SDK1: variants seen among roughly 807,000 people sequenced by gnomAD.
SDK1 encodes sidekick cell adhesion molecule 1.
A neutral mutation model predicts 245.5 loss-of-function variants in SDK1; 157 were observed. The ratio of observed to expected loss-of-function variants is 0.64; its 90% confidence interval spans 0.56 to 0.73. SDK1 has a LOEUF of 0.73. SDK1 is among the 30% of genes least tolerant of loss of function. The probability of loss-of-function intolerance (pLI) is 0.00; values close to 1 mark genes in which losing one functional copy is unlikely to be tolerated. For missense variants in SDK1, 3,583 were observed against 3,002.3 expected (o/e 1.19, Z -4.52); for synonymous variants, 1,647 against 1,278.5 (o/e 1.29, Z -6.15).
intron 1 of SDK1, among the ~76,000 whole-genome samples, chr7:3,578,691 C>G (rs553108420): frequency 1.3e-5 from 2 of 151,820 alleles, no homozygotes; most frequent in South Asian, 2.1e-4. Context: ...AGCAACACCT[C>G]TCCTGCTTGC....
At chr7:3,501,378 GAAA>G (rs11320383) in intron 1 of SDK1, among the ~76,000 whole-genome samples, 233 of 136,066 alleles carry the variant, frequency 1.7e-3, no homozygotes, top group Admixed American at 4.0e-3. Flanking sequence ...TCAGGAAAAA[GAAA>G]AAAAAAAACT....
intron 44 of SDK1, among the ~76,000 whole-genome samples, chr7:4,256,293 T>G (rs1208080355): frequency 6.6e-6 from 1 of 152,246 alleles, no homozygotes; most frequent in Non-Finnish European, 1.5e-5. Context: ...GGAGAGGGTC[T>G]GCTGACCTCC....
chr7:3,359,321 T>TG (rs1028909473), intron 1 of SDK1, among the ~76,000 whole-genome samples: 1 of 152,186 alleles, frequency 6.6e-6, no homozygotes, highest in Non-Finnish European at 1.5e-5. Flanking sequence ...GAATGGTAGA[T>TG]GTCCTCCATG....
chr7:3,624,711 C>A (rs1053396909), intron 2 of SDK1, among the ~76,000 whole-genome samples: 4 of 151,854 alleles, frequency 2.6e-5, no homozygotes, highest in African/African-American at 7.3e-5. Context: ...AAACAATATG[C>A]CAGAGGAGCA....
chr7:3,961,712 TA>T (rs1405244540), intron 8 of SDK1, among the ~76,000 whole-genome samples: 1 of 152,150 alleles, frequency 6.6e-6, no homozygotes, highest in Non-Finnish European at 1.5e-5. Context: ...ACCCCTTTGA[TA>T]GGGGGTGTTA....
intron 4 of SDK1, among the ~76,000 whole-genome samples, chr7:3,769,012 T>G (rs1366142253): frequency 6.6e-6 from 1 of 152,196 alleles, no homozygotes; most frequent in East Asian, 1.9e-4. Flanking sequence ...ATGGTTGTAA[T>G]TATGCCACGT....
intron 1 of SDK1, among the ~76,000 whole-genome samples, chr7:3,455,835 G>A (rs1336452626): frequency 6.6e-6 from 1 of 152,138 alleles, no homozygotes; most frequent in Non-Finnish European, 1.5e-5. Flanking sequence ...GATTTTGATA[G>A]GAATTGTGTT....
At chr7:4,028,252 C>T (rs966603967) in intron 17 of SDK1, among the ~76,000 whole-genome samples, 1 of 152,164 alleles carries the variant, frequency 6.6e-6, no homozygotes, top group African/African-American at 2.4e-5. Flanking sequence ...TAGGAACCTT[C>T]TTTAGGCATT....
intron 1 of SDK1, among the ~76,000 whole-genome samples, chr7:3,352,191 A>C (rs567590446): frequency 4.0e-5 from 6 of 150,592 alleles, no homozygotes; most frequent in African/African-American, 1.5e-4. Context: ...AAAATGGAAA[A>C]ATCTGTCACT....
intron 5 of SDK1, among the ~76,000 whole-genome samples, chr7:3,869,418 A>G (rs1780904346): frequency 6.6e-6 from 1 of 152,120 alleles, no homozygotes; most frequent in East Asian, 1.9e-4. Context: ...GGCCTCCCAA[A>G]GTGCTGGGAT....
At chr7:3,871,408 G>T (rs1289975000) in intron 5 of SDK1, among the ~76,000 whole-genome samples, 1 of 150,104 alleles carries the variant, frequency 6.7e-6, no homozygotes, top group Admixed American at 6.7e-5. Flanking sequence ...TTGCCTTGTT[G>T]CACTGGTTAG....
At chr7:3,447,623 T>C (rs773654629) in intron 1 of SDK1, among the ~76,000 whole-genome samples, 3 of 152,118 alleles carry the variant, frequency 2.0e-5, no homozygotes, top group Non-Finnish European at 4.4e-5. Flanking sequence ...GATGTACATT[T>C]GGGTGGCTTC....
chr7:3,587,650 C>G (rs898232323), intron 1 of SDK1, among the ~76,000 whole-genome samples: 1 of 152,218 alleles, frequency 6.6e-6, no homozygotes, highest in Non-Finnish European at 1.5e-5. Context: ...CTGTTTTACT[C>G]AGTTCACCAA....
chr7:3,459,748 C>T (rs1024517369), intron 1 of SDK1, among the ~76,000 whole-genome samples: 1 of 152,170 alleles, frequency 6.6e-6, no homozygotes. Context: ...TGAGATGGCT[C>T]CACTTGGTTT....
rs371044483 is a variant in SDK1, at chr7:3,951,829, G to A, written c.1059G>A (p.Thr353=). Residue 353 remains threonine, a synonymous_variant, in exon 7 of 45, where the codon ACG becomes ACA. Coordinates refer to ENST00000404826, the MANE Select transcript of SDK1 (RefSeq NM_152744.4). ...GACGCCTCACCATCAGCAACCCGAC[G>A]TCCGCGGACACCGGGCCATACGTCT... ...FGRRLTISNP[T]SADTGPYVCE... 9.9e-6 allele frequency: 16 copies of A among 1,613,862 alleles called. 1 individual carries two copies. Among genetic ancestry groups the A allele is most frequent in the African/African-American group, 6.7e-5 (5 of 75,040 alleles).
intron 1 of SDK1, among the ~76,000 whole-genome samples, chr7:3,412,299 CAT>C (rs1458544029): frequency 2.0e-5 from 3 of 152,170 alleles, no homozygotes; most frequent in East Asian, 1.9e-4. Context: ...ATAATACAAA[CAT>C]GTATACTATT....
At chr7:3,918,312 T>C (rs1467569324) in intron 5 of SDK1, among the ~76,000 whole-genome samples, 1 of 152,222 alleles carries the variant, frequency 6.6e-6, no homozygotes, top group Non-Finnish European at 1.5e-5. Flanking sequence ...AAGCCTCATG[T>C]GTATTTACAG....
chr7:3,342,152 C>G (rs139450761), intron 1 of SDK1, among the ~76,000 whole-genome samples: 1 of 152,184 alleles, frequency 6.6e-6, no homozygotes, highest in South Asian at 2.1e-4. Flanking sequence ...ATAGATTATT[C>G]TTCTCAACAA....
chr7:3,357,831 T>C (rs937868971), intron 1 of SDK1, among the ~76,000 whole-genome samples: 1 of 152,180 alleles, frequency 6.6e-6, no homozygotes, highest in Non-Finnish European at 1.5e-5. Flanking sequence ...ATTGGATTCA[T>C]GATTTGTGAT....
Sources: gnomAD v4.1 joint callset for allele counts (sites outside exome capture counted in the v4.1 genomes callset) on GRCh38, gnomAD v4.1.1 for gene constraint, MANE v1.5 for transcripts, NCBI Gene and HGNC (gene_info 2026-07-23, HGNC 2026-07-21) for gene names.